The following ANKRD2 variants were observed in gnomAD, a reference collection of about 807,000 sequenced individuals.
ANKRD2 encodes ankyrin repeat domain 2.
A neutral mutation model predicts 37.3 loss-of-function variants in ANKRD2; 35 were observed. That is an observed-to-expected ratio of 0.94 (90% confidence interval 0.72 to 1.24). The LOEUF (loss-of-function observed/expected upper bound fraction) is 1.24, where lower values mean the gene tolerates loss of function less well. Among genes scored for constraint, ANKRD2 ranks in the 50% most tolerant of loss-of-function variants. The probability of loss-of-function intolerance (pLI) is 0.00; values close to 1 mark genes in which losing one functional copy is unlikely to be tolerated. For synonymous variants in ANKRD2, 159 were observed against 186.5 expected (o/e 0.85, Z 1.20); for missense variants, 410 against 445.6 (o/e 0.92, Z 0.72).
At chr10:97,574,913 C>A (rs2040806407) in intron 1 of ANKRD2, among the ~76,000 whole-genome samples, 1 of 152,194 alleles carries the variant, frequency 6.6e-6, no homozygotes, top group Admixed American at 6.5e-5. Context: ...GACACACAGA[C>A]CTTCAGCAAG....
At chr10:97,580,352 A>G (rs1390365611) in intron 4 of ANKRD2, among the ~76,000 whole-genome samples, 2 of 152,190 alleles carry the variant, frequency 1.3e-5, no homozygotes, top group African/African-American at 4.8e-5. Context: ...GAGAAGGGGA[A>G]AAGTTTATTC....
chr10:97,574,106 T>G (rs765290216), intron 1 of ANKRD2, among the ~76,000 whole-genome samples: 14 of 151,940 alleles, frequency 9.2e-5, no homozygotes, highest in Non-Finnish European at 1.9e-4. Context: ...GCCAACATGG[T>G]GAAATCCTGT....
At chr10:97,574,308 T>C (rs921701657) in intron 1 of ANKRD2, among the ~76,000 whole-genome samples, 11 of 149,196 alleles carry the variant, frequency 7.4e-5, no homozygotes, top group African/African-American at 2.7e-4. Context: ...GGGACTCCTC[T>C]GTGGACAGGA....
At chr10:97,572,939 G>A in intron 1 of ANKRD2, 64 bp downstream of exon 1, 1 of 1,513,392 alleles carries the variant, frequency 6.6e-7, no homozygotes. Flanking sequence ...GTCAAGGGGA[G>A]GGAGATCCTG....
chr10:97,577,703 C>G, intron 1 of ANKRD2, 97 bp from the exon 2 acceptor site: 4 of 1,020,120 alleles, frequency 3.9e-6, no homozygotes, highest in South Asian at 1.6e-5. Context: ...CTGAGACCAC[C>G]CAGGAGGATG....
Position 97,572,931 on chromosome 10 carries a change from C to T in ANKRD2, c.87+56C>T, listed in dbSNP as rs41290452. The stretch of plus-strand genomic sequence containing the variant: ...GTCTGAGGAGATCCAGTTCTGCTGT[C>T]AAGGGGAGGGAGATCCTGTCTGCTA... On this transcript the variant is annotated intron_variant, in intron 1 of 8. Transcript: ENST00000370655. The T allele has an allele frequency of 7.0e-3, 10,581 of 1,521,118 alleles. 49 individuals carry two copies. Among genetic ancestry groups the T allele is most frequent in the Non-Finnish European group, 8.2e-3 (9,260 of 1,126,886 alleles). 94.2% of individuals were successfully genotyped at this position (1,521,118 alleles called of 1,614,324 possible). A position where few individuals can be genotyped will look rare whatever the true frequency, so the allele number is the denominator to read the frequency against.
intron 1 of ANKRD2, 124 bp downstream of exon 1, chr10:97,572,999 T>C: frequency 7.8e-7 from 1 of 1,280,014 alleles, no homozygotes; most frequent in Non-Finnish European, 1.1e-6. Flanking sequence ...AGGGGCCCAG[T>C]TGGGCCTCAT....
At position 97,578,302 on chromosome 10, in the gene ANKRD2, G is replaced by T; in HGVS notation, c.252G>T (p.Gly84=). The change falls in exon 3 of 9, where the codon GGG becomes GGT. Residue 84 remains glycine (G), a synonymous_variant. Coordinates refer to ENST00000370655, the MANE Select transcript of ANKRD2 (RefSeq NM_001346793.2). ...GGCGGGAGATCATCGATGTGGGCGG[G>T]ATCCAGAACCTCATCGAGCTGCGGA... ...DLRREIIDVG[G]IQNLIELRKK... is the part of the protein sequence containing the mutation. 6.2e-7 allele frequency: 1 copy of T among 1,613,144 alleles called. No individual in the cohort carries two copies. The highest frequency in any genetic ancestry group is 8.5e-7 in the Non-Finnish European group (1 of 1,179,962).
At chr10:97,576,452 G>A (rs1470842261) in intron 1 of ANKRD2, among the ~76,000 whole-genome samples, 1 of 152,138 alleles carries the variant, frequency 6.6e-6, no homozygotes, top group Non-Finnish European at 1.5e-5. Flanking sequence ...GTTTCAGGCT[G>A]AAGGCTGAGG....
chr10:97,578,775 T>G (rs2040861905), intron 4 of ANKRD2, among the ~76,000 whole-genome samples, 170 bp downstream of exon 4: 1 of 152,152 alleles, frequency 6.6e-6, no homozygotes, highest in Non-Finnish European at 1.5e-5. Flanking sequence ...GTACAGGAAT[T>G]GACCTAAATC....
intron 6 of ANKRD2, 93 bp from the exon 7 acceptor site, chr10:97,582,222 G>A: frequency 9.7e-7 from 1 of 1,035,778 alleles, no homozygotes; most frequent in Non-Finnish European, 1.4e-6. Context: ...ACTTGGAAGA[G>A]GGATTAAGCT....
chr10:97,575,391 A>G (rs1215375246), intron 1 of ANKRD2, among the ~76,000 whole-genome samples: 1 of 152,220 alleles, frequency 6.6e-6, no homozygotes, highest in Non-Finnish European at 1.5e-5. Flanking sequence ...AGAGATGCTG[A>G]GTCTGCTTGC....
At chr10:97,577,235 C>A (rs930991969) in intron 1 of ANKRD2, among the ~76,000 whole-genome samples, 5 of 151,972 alleles carry the variant, frequency 3.3e-5, no homozygotes, top group African/African-American at 9.7e-5. Flanking sequence ...AACTTCTGGG[C>A]TCAAGAGATC....
chr10:97,579,585 T>C (rs1163419543), intron 4 of ANKRD2, among the ~76,000 whole-genome samples: 1 of 151,086 alleles, frequency 6.6e-6, no homozygotes, highest in Non-Finnish European at 1.5e-5. Flanking sequence ...ATTTTCTTTT[T>C]TTTTCTTTTT....
chr10:97,573,062 G>A (rs2040781037), intron 1 of ANKRD2, among the ~76,000 whole-genome samples, 187 bp downstream of exon 1: 1 of 152,188 alleles, frequency 6.6e-6, no homozygotes, highest in African/African-American at 2.4e-5. Context: ...AGAAGACTGA[G>A]GCTTCAGCCT....
Position 97,581,363 on chromosome 10 carries a change from G to A in ANKRD2, c.603G>A (p.Glu201=), listed in dbSNP as rs1002426643. ...GGGCCTGCCGCGGGGGCCACTTAGA[G>A]GTGGTGAAACTTCTGCAAAGCCATG... The part of the protein sequence containing the change: ...MHWACRGGHL[E]VVKLLQSHGA... The change falls in exon 6 of 9, where the codon GAG becomes GAA. Residue 201 remains glutamate (E), a synonymous_variant. Transcript: ENST00000370655. 25 of 1,614,058 alleles carry A rather than the reference G, an allele frequency of 1.5e-5. No individual in the cohort carries two copies. Among genetic ancestry groups the A allele is most frequent in the Non-Finnish European group, 2.0e-5 (24 of 1,180,016 alleles).
In ANKRD2 at chr10:97,578,384, G is replaced by A; in HGVS notation, c.334G>A (p.Glu112Lys). ...GGCCGCCTCGCATGAGCCGCCCCCAGAGCCCGAGGAGATCGTAAGGGTCCT... is the reference window on the plus strand; with the variant it reads ...GGCCGCCTCGCATGAGCCGCCCCCAAAGCCCGAGGAGATCGTAAGGGTCCT... ...ALAASHEPPP[E>K]PEEITGPVDE... The change falls in exon 3 of 9, where the codon GAG (glutamate) becomes AAG (lysine). Residue 112 changes from glutamate to lysine, a missense_variant. Coordinates refer to ENST00000370655, the MANE Select transcript of ANKRD2 (RefSeq NM_001346793.2). The A allele has an allele frequency of 6.2e-7, 1 of 1,613,752 alleles. No homozygotes were observed. The highest frequency in any genetic ancestry group is 8.5e-7 in the Non-Finnish European group (1 of 1,179,870).
In ANKRD2 at chr10:97,582,420, G is replaced by A. The variant is rs756898646; in HGVS notation, c.753+7G>A. 9 of 1,570,144 alleles carry A rather than the reference G, an allele frequency of 5.7e-6. No individual in the cohort carries two copies. In the South Asian group the frequency reaches 1.0e-4, roughly 18 times the overall value. On this transcript the variant is annotated splice_region_variant and intron_variant, in intron 7 of 8. Coordinates refer to ENST00000370655, the MANE Select transcript of ANKRD2 (RefSeq NM_001346793.2). ...AATCAATGCCAGAGACAGGGTGAGT[G>A]CTAGCCTGTCCGCTGCTCACCCGCC...
At chr10:97,575,963 C>T (rs1192984600) in intron 1 of ANKRD2, among the ~76,000 whole-genome samples, 1 of 151,784 alleles carries the variant, frequency 6.6e-6, no homozygotes, top group Non-Finnish European at 1.5e-5. Context: ...CCTGAGGAGC[C>T]CAGCCAGAGT....
Sources: gnomAD v4.1 joint callset for allele counts (sites outside exome capture counted in the v4.1 genomes callset) on GRCh38, gnomAD v4.1.1 for gene constraint, MANE v1.5 for transcripts, NCBI Gene and HGNC (gene_info 2026-07-23, HGNC 2026-07-21) for gene names.